Variants in MFRP observed in about 807,000 individuals in gnomAD.
MFRP encodes C1q and TNF related 5.
A neutral mutation model predicts 65.8 loss-of-function variants in MFRP; 74 were observed. The observed-to-expected ratio is 1.12, with a 90% CI of 0.93 to 1.36. MFRP has a LOEUF of 1.36. MFRP is among the 40% of genes most tolerant of loss of function. MFRP has a pLI of 0.00. For synonymous variants in MFRP, 336 were observed against 288.3 expected (o/e 1.17, Z -1.68); for missense variants, 838 against 736.0 (o/e 1.14, Z -1.60).
intron 11 of MFRP, 144 bp from the exon 12 acceptor site, chr11:119,342,128 G>T: frequency 1.0e-6 from 1 of 988,250 alleles, no homozygotes; most frequent in Non-Finnish European, 1.5e-6. Flanking sequence ...AAAGAGACAG[G>T]CTGTACACAC....
intron 11 of MFRP, among the ~76,000 whole-genome samples, chr11:119,342,278 C>G (rs1950510220): frequency 6.6e-6 from 1 of 152,170 alleles, no homozygotes; most frequent in Admixed American, 6.5e-5. Flanking sequence ...GAAGAAACCC[C>G]CTGCTCTGTG....
At chr11:119,343,335 A>T (rs1950522280) in intron 9 of MFRP, among the ~76,000 whole-genome samples, 1 of 152,156 alleles carries the variant, frequency 6.6e-6, no homozygotes, top group Admixed American at 6.5e-5. Context: ...ATATAGTGAG[A>T]CCTTGTCTTT....
rs750894392 is a variant in MFRP, at chr11:119,345,901, GC to G, written c.298del (p.Ala100ArgfsTer37). ...AQLQAAPPSG[A>X]SHSPLPAGGL... ...TCCGGCAGGCAGTGGGCTATGGGAC[GC>G]CCCAGATGGGGGTGCAGCCTGCAGC... On this transcript the variant is annotated frameshift_variant, in exon 4 of 15. Coordinates refer to ENST00000619721, the MANE Select transcript of MFRP (RefSeq NM_031433.4). LOFTEE classifies it high-confidence loss of function. 7.4e-6 allele frequency: 12 copies of G among 1,613,494 alleles called. No individual in the cohort carries two copies. The highest frequency in any genetic ancestry group is 9.3e-6 in the Non-Finnish European group (11 of 1,179,740).
At chr11:119,342,062 G>A (rs1003682914) in intron 11 of MFRP, 78 bp from the exon 12 acceptor site, 56 of 1,581,452 alleles carry the variant, frequency 3.5e-5, no homozygotes, top group Admixed American at 1.0e-4. Flanking sequence ...CGAATCGCTC[G>A]GTCCTGTGTG....
chr11:119,346,685 T>C lies in MFRP; in HGVS notation c.-172A>G. On this transcript the variant is annotated 5_prime_UTR_variant, in exon 1 of 15. Transcript: ENST00000619721. ...GTCCTTGGTAGAGTGGTTTGGCCTA[T>C]GGGCTACTCTGTCTCTGTGTGGGGG... is the stretch of plus-strand genomic sequence containing the variant. 1.5e-6 allele frequency: 1 copy of C among 685,200 alleles called. No individual in the cohort carries two copies. The highest frequency in any genetic ancestry group is 2.6e-6 in the Non-Finnish European group (1 of 379,490). The allele number at this position is 685,200 out of a possible 1,614,324, so 42.4% of individuals were successfully genotyped here.
Position 119,344,408 on chromosome 11 carries a change from G to C in MFRP, c.899-17C>G. 2 of 1,611,418 alleles carry C rather than the reference G, an allele frequency of 1.2e-6. No homozygotes were observed. Among genetic ancestry groups the C allele is most frequent in the Non-Finnish European group, 1.7e-6 (2 of 1,178,414 alleles). On this transcript the variant is annotated splice_polypyrimidine_tract_variant and intron_variant, in intron 7 of 14. Coordinates refer to ENST00000619721, the MANE Select transcript of MFRP (RefSeq NM_031433.4). ...CCCCACACCCTGTAGAGAGGTGGAA[G>C]GGCTCATGAGTTTGCTAGGATCTGT...
Position 119,346,288 on chromosome 11 carries a change from G to T in MFRP, c.141C>A (p.Val47=), listed in dbSNP as rs1950568942. 1.9e-6 allele frequency: 3 copies of T among 1,613,460 alleles called. No individual in the cohort carries two copies. Among genetic ancestry groups the T allele is most frequent in the Middle Eastern group, 1.6e-4 (1 of 6,082 alleles). The change falls in exon 2 of 15, where the codon GTC becomes GTA. Residue 47 remains valine (V), a synonymous_variant. Transcript: ENST00000619721. ...PVFPEDASYS[V]PAPWHGRRPR... ...GATGGTTACCATGCCAGGGAGCTGGGACGCTGTAGCTGGCATCCTCTGGGA... is the reference window on the plus strand; with the variant it reads ...GATGGTTACCATGCCAGGGAGCTGGTACGCTGTAGCTGGCATCCTCTGGGA...
At chr11:119,343,715 A>G (rs1950526984) in intron 9 of MFRP, 101 bp downstream of exon 9, 3 of 1,483,972 alleles carry the variant, frequency 2.0e-6, no homozygotes, top group Non-Finnish European at 2.8e-6. Context: ...GTAGCAGAAG[A>G]AAATGAAGCT....
Position 119,344,525 on chromosome 11 carries a change from A to T in MFRP, c.898+107T>A, listed in dbSNP as rs549385930. Reference sequence around the variant, plus strand: ...GTTCTGGGCCAAAGAATGACTGAGCAGGAAATGCTGACGGAGGGCCCGGTT... The same window carrying T: ...GTTCTGGGCCAAAGAATGACTGAGCTGGAAATGCTGACGGAGGGCCCGGTT... On this transcript the variant is annotated intron_variant, in intron 7 of 14. Transcript: ENST00000619721. 6 of 1,595,312 alleles carry T rather than the reference A, an allele frequency of 3.8e-6. No individual in the cohort carries two copies. The African/African-American group carries it at 6.7e-5, about 18-fold the overall frequency.
In MFRP at chr11:119,344,688, C is replaced by T; in HGVS notation, c.842G>A (p.Gly281Asp). The T allele has an allele frequency of 6.2e-7, 1 of 1,614,102 alleles. No individual in the cohort carries two copies. The highest frequency in any genetic ancestry group is 1.1e-5 in the South Asian group (1 of 91,084). The change falls in exon 7 of 15, where the codon GGT (glycine) becomes GAT (aspartate). Residue 281 changes from glycine to aspartate, a missense_variant. Gly to Asp is a moderately conservative substitution (Grantham distance 94). Coordinates refer to ENST00000619721, the MANE Select transcript of MFRP (RefSeq NM_031433.4). Reference sequence around the variant, plus strand: ...ACTGCCGTCAGCACAGTTGGCAAAACCATCACACACTGAGTCAGGTAGCAG... The same window carrying T: ...ACTGCCGTCAGCACAGTTGGCAAAATCATCACACACTGAGTCAGGTAGCAG... ...ICLLPDSVCD[G>D]FANCADGSDE...
chr11:119,344,087 G>T, intron 8 of MFRP, 123 bp from the exon 9 acceptor site: 1 of 1,329,398 alleles, frequency 7.5e-7, no homozygotes, highest in Non-Finnish European at 1.1e-6. Context: ...ATCATTGGTG[G>T]TTCTTAAGGA....
At chr11:119,343,106 C>G in intron 9 of MFRP, 103 bp from the exon 10 acceptor site, 1 of 1,418,154 alleles carries the variant, frequency 7.1e-7, no homozygotes, top group South Asian at 1.2e-5. Flanking sequence ...CTGGATGATG[C>G]CAAAGGTGAT....
At chr11:119,344,179 C>T (rs1950533464) in intron 8 of MFRP, 136 bp downstream of exon 8, 6 of 985,542 alleles carry the variant, frequency 6.1e-6, no homozygotes, top group African/African-American at 4.8e-5. Flanking sequence ...ATAATATTCC[C>T]CCATCCCCCG....
In MFRP at chr11:119,344,984, G is replaced by A. The variant is rs752553909; in HGVS notation, c.662C>T (p.Pro221Leu). 1.2e-6 allele frequency: 2 copies of A among 1,606,952 alleles called. No individual in the cohort carries two copies. The highest frequency in any genetic ancestry group is 1.1e-5 in the South Asian group (1 of 89,546). Residue 221 changes from proline (P) to leucine (L), a missense_variant, in exon 6 of 15, where the codon CCC (proline) becomes CTC (leucine). Pro to Leu is a moderately conservative substitution (Grantham distance 98, BLOSUM62 -3). Coordinates refer to ENST00000619721, the MANE Select transcript of MFRP (RefSeq NM_031433.4). ...PLLRVCGRVP[P>L]PTLNTNASHL... ...GCTGGCATTGGTGTTGAGCGTGGGGGGAGGCACCCTTCCACAAACCCTGCA... is the reference window on the plus strand; with the variant it reads ...GCTGGCATTGGTGTTGAGCGTGGGGAGAGGCACCCTTCCACAAACCCTGCA...
chr11:119,344,057 G>C, intron 8 of MFRP, 93 bp from the exon 9 acceptor site: 2 of 1,533,058 alleles, frequency 1.3e-6, no homozygotes, highest in Non-Finnish European at 1.8e-6. Context: ...TGCTGGCTGG[G>C]GGGATGGGGT....
intron 12 of MFRP, 21 bp downstream of exon 12, chr11:119,341,836 C>T: frequency 6.2e-7 from 1 of 1,613,684 alleles, no homozygotes; most frequent in Admixed American, 1.7e-5. Context: ...GGCCCGCCCT[C>T]CTTCCCTCCA....
chr11:119,341,750 T>C lies in MFRP; in HGVS notation c.1538A>G (p.Tyr513Cys), dbSNP rs761118664. ...GYKSLTSLPC[Y>C]QHFRRLLCGL... is the part of the protein sequence containing the mutation. ...ACACAGGAGCCTCCGGAAATGCTGG[T>C]AGCAGGGCAGGCTTGTCAGGCTCTG... The change falls in exon 13 of 15, where the codon TAC becomes TGC. Residue 513 changes from tyrosine (Y) to cysteine (C), a missense_variant. Transcript: ENST00000619721. 1.2e-6 allele frequency: 2 copies of C among 1,613,282 alleles called. No individual in the cohort carries two copies. Among genetic ancestry groups the C allele is most frequent in the African/African-American group, 2.7e-5 (2 of 74,936 alleles).
At chr11:119,345,150 C>T in intron 5 of MFRP, 146 bp from the exon 6 acceptor site, 1 of 1,063,284 alleles carries the variant, frequency 9.4e-7, no homozygotes, top group Non-Finnish European at 1.4e-6. Context: ...TCCCAGGGAG[C>T]TCTGACCTTC....
Position 119,340,404 on chromosome 11 carries a change from GGC to G in MFRP, c.*888_*889del. On this transcript the variant is annotated 3_prime_UTR_variant, in exon 14 of 15. Transcript: ENST00000619721. ...GGACGAGGAGTGGCCTCATAGCGCT[GGC>G]ACCGGGAGCCCGGACGCCGGGGTCC... 6.5e-7 allele frequency: 1 copy of G among 1,543,754 alleles called. No homozygotes were observed. The highest frequency in any genetic ancestry group is 1.2e-5 in the South Asian group (1 of 83,788).
Sources: gnomAD v4.1 joint callset for allele counts (sites outside exome capture counted in the v4.1 genomes callset) on GRCh38, gnomAD v4.1.1 for gene constraint, MANE v1.5 for transcripts, NCBI Gene and HGNC (gene_info 2026-07-23, HGNC 2026-07-21) for gene names.